TRAPPC8: variants seen among roughly 807,000 people sequenced by gnomAD.
The protein encoded by TRAPPC8 is general sporulation gene 1 homolog.
A neutral mutation model predicts 174.3 loss-of-function variants in TRAPPC8; 54 were observed. The observed-to-expected ratio is 0.31, with a 90% confidence interval of 0.25 to 0.39. The LOEUF is 0.39. Among genes scored for constraint, TRAPPC8 ranks in the 10% least tolerant of loss-of-function variants. The probability of loss-of-function intolerance (pLI) is 1.00; values close to 1 mark genes in which losing one functional copy is unlikely to be tolerated. For synonymous variants in TRAPPC8, 630 were observed against 579.9 expected, an observed-to-expected ratio of 1.09 and a Z score of -1.24; for missense variants, 1,531 against 1,699.1, an observed-to-expected ratio of 0.90 and a Z score of 1.74.
intron 5 of TRAPPC8, among the ~76,000 whole-genome samples, chr18:31,912,122 C>T (rs144891514): frequency 4.0e-4 from 61 of 152,148 alleles, no homozygotes; most frequent in African/African-American, 1.3e-3. Flanking sequence ...GGGAAATCAA[C>T]GGAAAGTTGG....
At chr18:31,913,593 T>G in intron 4 of TRAPPC8, 71 bp from the exon 5 acceptor site, 1 of 1,188,546 alleles carries the variant, frequency 8.4e-7, no homozygotes, top group Non-Finnish European at 1.1e-6. Context: ...GAGACTAAAG[T>G]AGTACAAAAA....
At position 31,864,788 on chromosome 18, in the gene TRAPPC8, T is replaced by TA. The variant is rs373168061; in HGVS notation, c.2591-8dup. On this transcript the variant is annotated splice_region_variant and splice_polypyrimidine_tract_variant and intron_variant, in intron 18 of 28. Transcript: ENST00000283351. Reference sequence around the variant, plus strand: ...ATACTCAAGGAATATTTTCCTGAAATAAAAAACAATCAATGCCCTAAAATA... The same window carrying TA: ...ATACTCAAGGAATATTTTCCTGAAATAAAAAAACAATCAATGCCCTAAAATA... The TA allele has an allele frequency of 1.3e-3, 2,136 of 1,597,974 alleles. 31 individuals are homozygous for TA. In the African/African-American group the frequency reaches 0.026, roughly 19 times the overall value.
At chr18:31,936,902 T>TA (rs376783471) in intron 1 of TRAPPC8, among the ~76,000 whole-genome samples, 12,878 of 92,094 alleles carry the variant, frequency 0.14, 1,493 homozygotes, top group African/African-American at 0.19. Context: ...ACTCCGTCTT[T>TA]AAAAAAAAAA....
intron 11 of TRAPPC8, chr18:31,896,124 A>G (rs2036173971): frequency 6.6e-6 from 1 of 152,222 alleles, no homozygotes; most frequent in African/African-American, 2.4e-5. Context: ...ATTGTATGAG[A>G]GAGAAGAACA....
intron 11 of TRAPPC8, among the ~76,000 whole-genome samples, chr18:31,892,022 AT>A (rs2035972848): frequency 6.6e-6 from 1 of 152,232 alleles, no homozygotes; most frequent in Non-Finnish European, 1.5e-5. Flanking sequence ...GAAATATGTA[AT>A]TAATGAGTGG....
rs745488703 is a variant in TRAPPC8 at position 31,935,548 on chromosome 18, T to TG, written c.158-4026_158-4025insC. 9.7e-4 allele frequency among the ~76,000 whole-genome samples: 45 copies of TG among 46,270 alleles called. 7 individuals carry two copies. Among genetic ancestry groups the TG allele is most frequent in the South Asian group, 2.5e-3 (3 of 1,218 alleles). The allele number at this position is 46,270 out of a possible 152,430, so 30.4% of individuals were successfully genotyped here. ...GGGCAACAAGAGCGAAACTCCATCT[T>TG]AAAAAAAAAAAAAAAAAAAAGCAGG... On this transcript the variant is annotated intron_variant, in intron 1 of 28. Transcript: ENST00000283351.
chr18:31,837,014 G>T (rs1041001797), intron 27 of TRAPPC8, among the ~76,000 whole-genome samples: 1 of 151,908 alleles, frequency 6.6e-6, no homozygotes, highest in Non-Finnish European at 1.5e-5. Flanking sequence ...CGCCCGCCTT[G>T]GCCTCCCAAA....
chr18:31,918,069 T>A (rs536309107), intron 2 of TRAPPC8, among the ~76,000 whole-genome samples: 2 of 152,186 alleles, frequency 1.3e-5, no homozygotes, highest in African/African-American at 4.8e-5. Flanking sequence ...GGGGTTGAAG[T>A]GAGCTGAAAT....
intron 19 of TRAPPC8, 128 bp from the exon 20 acceptor site, chr18:31,858,110 T>A: frequency 2.7e-6 from 2 of 743,222 alleles, no homozygotes; most frequent in South Asian, 3.9e-5. Flanking sequence ...TTCTTTGGTA[T>A]CTCCCTGAAT....
intron 1 of TRAPPC8, among the ~76,000 whole-genome samples, chr18:31,941,039 A>T (rs1443109264): frequency 6.6e-6 from 1 of 152,252 alleles, no homozygotes; most frequent in Non-Finnish European, 1.5e-5. Flanking sequence ...GGACTAAAAA[A>T]GAAAAGTTAC....
intron 1 of TRAPPC8, among the ~76,000 whole-genome samples, chr18:31,935,239 G>A (rs1035612320): frequency 2.0e-5 from 3 of 151,472 alleles, no homozygotes; most frequent in Non-Finnish European, 4.4e-5. Flanking sequence ...AGCTACCAGG[G>A]AGGCTGAGGC....
intron 1 of TRAPPC8, among the ~76,000 whole-genome samples, chr18:31,940,859 G>A (rs1235638720): frequency 6.6e-6 from 1 of 152,158 alleles, no homozygotes; most frequent in Non-Finnish European, 1.5e-5. Flanking sequence ...CTGCTCTATG[G>A]TGTAAATACA....
chr18:31,928,105 A>C (rs2037695632), intron 2 of TRAPPC8, among the ~76,000 whole-genome samples: 1 of 151,908 alleles, frequency 6.6e-6, no homozygotes, highest in Non-Finnish European at 1.5e-5. Context: ...GCAGTGAGCC[A>C]AGATCGTGCC....
At chr18:31,900,102 C>T (rs895817607) in intron 10 of TRAPPC8, among the ~76,000 whole-genome samples, 2 of 151,988 alleles carry the variant, frequency 1.3e-5, no homozygotes, top group Non-Finnish European at 2.9e-5. Context: ...GGCATGGTGG[C>T]GCGCACCTGT....
At position 31,922,180 on chromosome 18, in the gene TRAPPC8, T is replaced by A. The variant is rs557624472; in HGVS notation, c.353-4513A>T. Among the ~76,000 whole-genome samples the A allele has an allele frequency of 4.6e-5, 7 of 152,238 alleles. No individual in the cohort carries two copies. The East Asian group carries it at 9.6e-4, about 21-fold the overall frequency. ...GTATCTTGCTTTATATAATTTTGAG[T>A]TTGAAACTATGTGAATGTACACATA... On this transcript the variant is annotated intron_variant, in intron 2 of 28. Coordinates refer to ENST00000283351, the MANE Select transcript of TRAPPC8 (RefSeq NM_014939.5).
chr18:31,907,075 TAAAG>T (rs2036692164), intron 9 of TRAPPC8, among the ~76,000 whole-genome samples: 1 of 152,200 alleles, frequency 6.6e-6, no homozygotes, highest in African/African-American at 2.4e-5. Context: ...AAAGTACTAA[TAAAG>T]AAAGAAACCC....
At chr18:31,884,854 G>GTT (rs778327825) in intron 12 of TRAPPC8, among the ~76,000 whole-genome samples, 123 of 139,134 alleles carry the variant, frequency 8.8e-4, no homozygotes, top group Non-Finnish European at 1.0e-3. Context: ...AAAAAATTAA[G>GTT]TTTTTTTTTT....
In TRAPPC8 at chr18:31,942,838, A is replaced by ACCG; in HGVS notation, c.-77_-75dup. 1 of 1,261,828 alleles carries ACCG rather than the reference A, an allele frequency of 7.9e-7. No homozygotes were observed. The highest frequency in any genetic ancestry group is 1.0e-6 in the Non-Finnish European group (1 of 1,001,516). The allele number at this position is 1,261,828 out of a possible 1,614,324, so 78.2% of individuals were successfully genotyped here. On this transcript the variant is annotated 5_prime_UTR_variant, in exon 1 of 29. Transcript: ENST00000283351. The stretch of plus-strand genomic sequence containing the variant: ...AGGTTATCCTGCGGCTGCAGCAGCT[A>ACCG]CCGCCGCCGCCCGCCGGCCTGGCCC...
intron 2 of TRAPPC8, among the ~76,000 whole-genome samples, chr18:31,929,927 A>G (rs1372634367): frequency 3.3e-5 from 5 of 152,214 alleles, no homozygotes; most frequent in Non-Finnish European, 5.9e-5. Flanking sequence ...AAAGATAACC[A>G]TAATATTCTC....
Sources: allele counts gnomAD v4.1 joint callset (sites outside exome capture counted in the v4.1 genomes callset), GRCh38; gene constraint gnomAD v4.1.1; transcripts MANE v1.5; gene names NCBI Gene and HGNC (gene_info 2026-07-23, HGNC 2026-07-21).